Variants in SEMA3A observed in about 807,000 individuals in gnomAD.
SEMA3A encodes semaphorin 3A.
A neutral mutation model predicts 97.9 loss-of-function variants in SEMA3A; 29 were observed. That is an observed-to-expected ratio of 0.30 (90% CI 0.22 to 0.40). SEMA3A has a LOEUF of 0.40. SEMA3A is among the 10% of genes least tolerant of loss of function. The pLI is 1.00. For missense variants in SEMA3A, 763 were observed against 951.3 expected (o/e 0.80, Z 2.60); for synonymous variants, 321 against 323.7 (o/e 0.99, Z 0.09).
intron 4 of SEMA3A, among the ~76,000 whole-genome samples, chr7:84,098,848 C>T (rs1196800821): frequency 6.6e-6 from 1 of 152,036 alleles, no homozygotes; most frequent in South Asian, 2.1e-4. Context: ...ACATGTTGAA[C>T]TTCCCTGAGC....
intron 1 of SEMA3A, among the ~76,000 whole-genome samples, chr7:84,468,135 G>A (rs1806053217): frequency 6.6e-6 from 1 of 152,154 alleles, no homozygotes; most frequent in Non-Finnish European, 1.5e-5. Flanking sequence ...TTAAAACGAG[G>A]GAGGAAAAGT....
chr7:84,189,313 G>T (rs969533241), intron 1 of SEMA3A, among the ~76,000 whole-genome samples: 2 of 151,792 alleles, frequency 1.3e-5, no homozygotes, highest in African/African-American at 4.8e-5. Context: ...TGATTAATAT[G>T]TAACTCTGTA....
intron 1 of SEMA3A, among the ~76,000 whole-genome samples, chr7:84,454,662 A>T (rs1805642777): frequency 6.6e-6 from 1 of 152,112 alleles, no homozygotes. Flanking sequence ...GGCTATGTAC[A>T]AAATATTGAT....
Position 84,067,168 on chromosome 7 carries a change from G to C in SEMA3A, c.454-6610C>G, listed in dbSNP as rs542850096. ...ACAAACCTGAGAAAAACAAGCAATC[G>C]GGAAAGGATTCCTTATTTAATAAAT... On this transcript the variant is annotated intron_variant, in intron 4 of 16. Coordinates refer to ENST00000265362, the MANE Select transcript of SEMA3A (RefSeq NM_006080.3). 4.1e-3 allele frequency among the ~76,000 whole-genome samples: 630 copies of C among 152,202 alleles called. 6 individuals are homozygous for C. The highest frequency in any genetic ancestry group is 0.014 in the African/African-American group (598 of 41,538).
chr7:84,460,038 A>G (rs749022261), intron 1 of SEMA3A, among the ~76,000 whole-genome samples: 6 of 152,156 alleles, frequency 3.9e-5, no homozygotes, highest in South Asian at 4.1e-4. Flanking sequence ...AAACAAGCAA[A>G]CAAACAAACA....
chr7:84,389,810 A>G (rs1803493510), intron 1 of SEMA3A, among the ~76,000 whole-genome samples: 1 of 152,154 alleles, frequency 6.6e-6, no homozygotes, highest in African/African-American at 2.4e-5. Context: ...AAAATTATAC[A>G]GGACTAGAAT....
intron 1 of SEMA3A, among the ~76,000 whole-genome samples, chr7:84,488,077 G>A (rs1200540825): frequency 2.0e-5 from 3 of 151,888 alleles, no homozygotes; most frequent in Admixed American, 6.6e-5. Flanking sequence ...TCTTTAAAAT[G>A]AATATCCTGT....
intron 1 of SEMA3A, among the ~76,000 whole-genome samples, chr7:84,375,598 A>G (rs1328517293): frequency 6.6e-6 from 1 of 152,150 alleles, no homozygotes; most frequent in East Asian, 1.9e-4. Flanking sequence ...GGGGTACTGT[A>G]TGATATTTTA....
intron 1 of SEMA3A, among the ~76,000 whole-genome samples, chr7:84,143,213 C>A (rs1796350540): frequency 6.6e-6 from 1 of 152,066 alleles, no homozygotes; most frequent in South Asian, 2.1e-4. Context: ...GCACTTTCTA[C>A]TGGTGAAAGA....
intron 4 of SEMA3A, among the ~76,000 whole-genome samples, chr7:84,078,964 A>G (rs1379396826): frequency 6.6e-6 from 1 of 152,070 alleles, no homozygotes; most frequent in Non-Finnish European, 1.5e-5. Context: ...CCATAGAGGT[A>G]CTCTGTATTA....
chr7:84,053,575 C>T (rs1792789382), intron 5 of SEMA3A, among the ~76,000 whole-genome samples: 1 of 43,572 alleles, frequency 2.3e-5, no homozygotes, highest in Non-Finnish European at 4.0e-5. Flanking sequence ...GTAGATCTTC[C>T]TCCATCCTTT....
chr7:84,260,313 C>A (rs1443124559), intron 3 of SEMA3A, among the ~76,000 whole-genome samples: 1 of 152,136 alleles, frequency 6.6e-6, no homozygotes. Flanking sequence ...TCTGGAGCTG[C>A]CATTGCAAGG....
At chr7:84,264,968 G>A (rs1488635932) in intron 3 of SEMA3A, among the ~76,000 whole-genome samples, 1 of 152,092 alleles carries the variant, frequency 6.6e-6, no homozygotes, top group Non-Finnish European at 1.5e-5. Flanking sequence ...CCAGTCATCA[G>A]TCTGCTTATC....
intron 12 of SEMA3A, among the ~76,000 whole-genome samples, chr7:83,996,187 A>G (rs1790208830): frequency 1.3e-5 from 2 of 152,114 alleles, no homozygotes; most frequent in African/African-American, 2.4e-5. Context: ...TTAGGCTTTT[A>G]TATCTTCTGA....
At chr7:84,231,832 G>T (rs916069005) in intron 3 of SEMA3A, among the ~76,000 whole-genome samples, 1 of 151,896 alleles carries the variant, frequency 6.6e-6, no homozygotes, top group Non-Finnish European at 1.5e-5. Context: ...AGGTTGGGTA[G>T]GAAGCCACTT....
chr7:84,289,473 T>C (rs2115777725), intron 3 of SEMA3A, among the ~76,000 whole-genome samples: 1 of 152,154 alleles, frequency 6.6e-6, no homozygotes, highest in South Asian at 2.1e-4. Flanking sequence ...AATACCATAC[T>C]ATACCCCATA....
chr7:84,486,296 G>A lies in SEMA3A; in HGVS notation c.-246+6164C>T, dbSNP rs531251745. On this transcript the variant is annotated intron_variant, in intron 1 of 3. Coordinates refer to the SEMA3A transcript ENST00000424555. The stretch of plus-strand genomic sequence containing the variant: ...TCAGCTACTTGGGAGGCCAAGGAAG[G>A]AGAATCACTTGAACCAGGGAGTTGC... 2.6e-5 allele frequency among the ~76,000 whole-genome samples: 4 copies of A among 152,294 alleles called. No homozygotes were observed. In the South Asian group the frequency reaches 6.2e-4, roughly 24 times the overall value.
chr7:84,410,438 C>T (rs769539275), intron 1 of SEMA3A, among the ~76,000 whole-genome samples: 103 of 152,088 alleles, frequency 6.8e-4, no homozygotes, highest in Non-Finnish European at 1.2e-3. Flanking sequence ...ATTCCCAACC[C>T]AGATTGCACA....
chr7:84,108,831 G>C (rs1274024066), intron 4 of SEMA3A, among the ~76,000 whole-genome samples: 1 of 151,016 alleles, frequency 6.6e-6, no homozygotes, highest in Non-Finnish European at 1.5e-5. Flanking sequence ...CTTGTACCTG[G>C]GAGGCAGAGG....
Sources: allele counts gnomAD v4.1 joint callset (sites outside exome capture counted in the v4.1 genomes callset), GRCh38; gene constraint gnomAD v4.1.1; transcripts MANE v1.5; gene names NCBI Gene and HGNC (gene_info 2026-07-23, HGNC 2026-07-21).